DPY19L4: variants seen among roughly 807,000 people sequenced by gnomAD.
The protein encoded by DPY19L4 is dpy-19 like 4, also known as probable C-mannosyltransferase DPY19L4.
In DPY19L4, 97 loss-of-function variants were observed where a neutral mutation model predicts 102.8. The observed-to-expected ratio is 0.94, with a 90% CI of 0.80 to 1.12. DPY19L4 has a LOEUF of 1.12. Ranked by LOEUF, DPY19L4 falls within the 50% of genes most tolerant of loss-of-function variation. The pLI is 0.00. For synonymous variants in DPY19L4, 252 were observed against 283.1 expected (o/e 0.89, Z 1.10); for missense variants, 815 against 850.4 (o/e 0.96, Z 0.52).
intron 17 of DPY19L4, among the ~76,000 whole-genome samples, chr8:94,784,323 G>T (rs1813565455): frequency 6.6e-6 from 1 of 152,234 alleles, no homozygotes; most frequent in Admixed American, 6.5e-5. Context: ...CGATTCTCCT[G>T]CCTCTGCCTC....
Position 94,768,423 on chromosome 8 carries a change from CA to C in DPY19L4, c.1206del (p.Glu403AsnfsTer14), listed in dbSNP as rs766493105. 4 of 1,603,604 alleles carry C rather than the reference CA, an allele frequency of 2.5e-6. No individual in the cohort carries two copies. In the South Asian group the frequency reaches 3.4e-5, roughly 14 times the overall value. On this transcript the variant is annotated frameshift_variant, in exon 12 of 19. Coordinates refer to ENST00000414645, the MANE Select transcript of DPY19L4 (RefSeq NM_181787.3). LOFTEE classifies it high-confidence loss of function. ...KNFTMNWLLC[Q>X]ESLQAPSQDF... ...TTTTACAATGAATTGGCTCCTCTGT[CA>C]AGAATCCCTGCAGGCACCATCTCAA...
chr8:94,761,958 A>G, intron 8 of DPY19L4, 124 bp downstream of exon 8: 1 of 993,222 alleles, frequency 1.0e-6, no homozygotes, highest in East Asian at 2.9e-5. Context: ...ACAATATTTA[A>G]GTTATTTGGA....
chr8:94,720,823 C>T (rs1245243693), intron 1 of DPY19L4, among the ~76,000 whole-genome samples: 4 of 152,190 alleles, frequency 2.6e-5, no homozygotes, highest in Non-Finnish European at 5.9e-5. Context: ...ATGATAACCC[C>T]TACTAGTTTC....
chr8:94,779,436 C>T (rs1813332863), intron 14 of DPY19L4, among the ~76,000 whole-genome samples: 1 of 151,818 alleles, frequency 6.6e-6, no homozygotes, highest in African/African-American at 2.4e-5. Flanking sequence ...AATCCTCCTG[C>T]CTCATCCTCC....
At chr8:94,761,353 C>T (rs1812386943) in intron 7 of DPY19L4, among the ~76,000 whole-genome samples, 1 of 152,212 alleles carries the variant, frequency 6.6e-6, no homozygotes, top group Non-Finnish European at 1.5e-5. Context: ...GCTCACCAGC[C>T]AGGTCTAGTA....
chr8:94,724,635 C>T (rs966860185), intron 1 of DPY19L4, among the ~76,000 whole-genome samples: 4 of 151,428 alleles, frequency 2.6e-5, no homozygotes, highest in Non-Finnish European at 4.4e-5. Context: ...TGTCACCAGG[C>T]TAGAGTGCAG....
At chr8:94,737,537 A>C (rs1471355310) in intron 3 of DPY19L4, among the ~76,000 whole-genome samples, 4 of 151,656 alleles carry the variant, frequency 2.6e-5, no homozygotes, top group Non-Finnish European at 5.9e-5. Flanking sequence ...TAATCCCAAC[A>C]CTTTAGGAGG....
At chr8:94,734,181 C>T (rs1811094529) in intron 2 of DPY19L4, among the ~76,000 whole-genome samples, 1 of 151,412 alleles carries the variant, frequency 6.6e-6, no homozygotes, top group Non-Finnish European at 1.5e-5. Flanking sequence ...GCCTCAGCCT[C>T]CCGAGTAGCT....
chr8:94,727,733 A>ACTCAG (rs1810752439), intron 2 of DPY19L4, among the ~76,000 whole-genome samples: 1 of 152,092 alleles, frequency 6.6e-6, no homozygotes, highest in South Asian at 2.1e-4. Flanking sequence ...CTCATTAGTG[A>ACTCAG]CTCAGTGCTC....
intron 13 of DPY19L4, among the ~76,000 whole-genome samples, chr8:94,774,152 T>C (rs1431833693): frequency 6.6e-6 from 1 of 150,980 alleles, no homozygotes; most frequent in Non-Finnish European, 1.5e-5. Context: ...CAAGCAGTGC[T>C]CCCACGATAT....
intron 2 of DPY19L4, among the ~76,000 whole-genome samples, chr8:94,730,469 G>T (rs1440770066): frequency 6.6e-6 from 1 of 151,954 alleles, no homozygotes; most frequent in African/African-American, 2.4e-5. Flanking sequence ...AGTAATGCTG[G>T]GCGTGGTGGC....
chr8:94,788,027 AT>A lies in DPY19L4; in HGVS notation c.1985del (p.Leu662TyrfsTer2), dbSNP rs1563621152. The A allele has an allele frequency of 6.8e-7, 1 of 1,481,372 alleles. No individual in the cohort carries two copies. The highest frequency in any genetic ancestry group is 9.0e-7 in the Non-Finnish European group (1 of 1,116,618). The allele number at this position is 1,481,372 out of a possible 1,614,324, so 91.8% of individuals were successfully genotyped here. ...CCCATGAGAGGCTGTAGGGTTAAAG[AT>A]TTATTAGACATTGCAAATGGCCACG... ...VGPMRGCRVKDLLDIANGHMV... is the reference protein window; with the variant it reads ...VGPMRGCRVKXLLDIANGHMV... On this transcript the variant is annotated frameshift_variant, in exon 18 of 19. Transcript: ENST00000414645. LOFTEE classifies it high-confidence loss of function.
At chr8:94,737,868 AAAAC>A (rs1291696220) in intron 3 of DPY19L4, among the ~76,000 whole-genome samples, 2 of 152,120 alleles carry the variant, frequency 1.3e-5, no homozygotes, top group African/African-American at 4.8e-5. Context: ...ACAAAAAAAT[AAAAC>A]AAAACAAAAC....
chr8:94,768,680 T>C (rs1218075532), intron 12 of DPY19L4, 127 bp downstream of exon 12: 4 of 660,392 alleles, frequency 6.1e-6, no homozygotes, highest in South Asian at 3.0e-5. Flanking sequence ...TCTCTTTTCA[T>C]TGACATGGAA....
chr8:94,765,047 A>T, intron 8 of DPY19L4, 136 bp from the exon 9 acceptor site: 1 of 710,624 alleles, frequency 1.4e-6, no homozygotes, highest in Non-Finnish European at 2.1e-6. Flanking sequence ...AATATTGATT[A>T]AACATTTGCA....
At chr8:94,729,152 T>G (rs1041322974) in intron 2 of DPY19L4, among the ~76,000 whole-genome samples, 1 of 151,934 alleles carries the variant, frequency 6.6e-6, no homozygotes, top group African/African-American at 2.4e-5. Flanking sequence ...AGGTGGATCA[T>G]GAGGTCAGGA....
intron 1 of DPY19L4, among the ~76,000 whole-genome samples, chr8:94,721,848 C>A (rs1024875188): frequency 2.0e-5 from 3 of 152,232 alleles, no homozygotes; most frequent in Non-Finnish European, 4.4e-5. Context: ...ATGGCTCATG[C>A]CTGTAGTCCC....
Position 94,739,625 on chromosome 8 carries a change from T to C in DPY19L4, c.466-20T>C. On this transcript the variant is annotated intron_variant, in intron 5 of 18. Transcript: ENST00000414645. ...AATGCCATCCTATTGTCTTGTTCTC[T>C]TTCTGTTTTTTCCACATAGGAGATT... The C allele has an allele frequency of 1.2e-6, 2 of 1,612,132 alleles. No homozygotes were observed. The highest frequency in any genetic ancestry group is 2.2e-5 in the East Asian group (1 of 44,820).
Position 94,768,912 on chromosome 8 carries a change from C to G in DPY19L4, c.1334+359C>G, listed in dbSNP as rs570209631. Among the ~76,000 whole-genome samples, 381 of 150,990 alleles carry G rather than the reference C, an allele frequency of 2.5e-3. 2 individuals carry two copies. The highest frequency in any genetic ancestry group is 4.6e-3 in the Non-Finnish European group (311 of 67,812). Reference sequence around the variant, plus strand: ...CCTGTAATCCCAGCTACTCGGGAAGCTGAGGCAGGAGAATCGCTTGAACCC... The same window carrying G: ...CCTGTAATCCCAGCTACTCGGGAAGGTGAGGCAGGAGAATCGCTTGAACCC... On this transcript the variant is annotated intron_variant, in intron 12 of 18. Coordinates refer to ENST00000414645, the MANE Select transcript of DPY19L4 (RefSeq NM_181787.3).
Sources: allele counts gnomAD v4.1 joint callset (sites outside exome capture counted in the v4.1 genomes callset), GRCh38; gene constraint gnomAD v4.1.1; transcripts MANE v1.5; gene names NCBI Gene and HGNC (gene_info 2026-07-23, HGNC 2026-07-21).